The following TNRC6B variants were observed in gnomAD, a reference collection of about 807,000 sequenced individuals.
The protein encoded by TNRC6B is trinucleotide repeat containing adaptor 6B, also known as trinucleotide repeat-containing gene 6B protein.
Under a neutral mutation model 203.6 loss-of-function variants are expected in TNRC6B, and 52 were observed. That is an observed-to-expected ratio of 0.26 (90% confidence interval 0.20 to 0.32). The LOEUF is 0.32. Among genes scored for constraint, TNRC6B ranks in the 10% least tolerant of loss-of-function variants. TNRC6B has a pLI of 1.00. For missense variants in TNRC6B, 1,923 were observed against 2,286.2 expected, an observed-to-expected ratio of 0.84 and a Z score of 3.24; for synonymous variants, 838 against 845.7, an observed-to-expected ratio of 0.99 and a Z score of 0.16.
At chr22:40,067,571 A>G (rs73418363) in intron 1 of TNRC6B, among the ~76,000 whole-genome samples, 6,752 of 152,230 alleles carry the variant, frequency 0.044, 491 homozygotes, top group African/African-American at 0.15. Flanking sequence ...TGAGAGGCTT[A>G]AGAACCAAGG....
chr22:40,244,166 C>T (rs1226004048), intron 1 of TNRC6B, among the ~76,000 whole-genome samples: 1 of 152,194 alleles, frequency 6.6e-6, no homozygotes, highest in African/African-American at 2.4e-5. Context: ...GCCAGCCTGC[C>T]TGAGATGATC....
At chr22:40,136,588 T>C (rs1470949161) in intron 3 of TNRC6B, among the ~76,000 whole-genome samples, 1 of 151,948 alleles carries the variant, frequency 6.6e-6, no homozygotes, top group Non-Finnish European at 1.5e-5. Context: ...TTAACTCTTT[T>C]TGTAGAGACA....
Position 40,281,133 on chromosome 22 carries a change from C to T in TNRC6B, c.3426C>T (p.Phe1142=). Residue 1142 remains phenylalanine (F), a synonymous_variant, in exon 11 of 23, where the codon TTC becomes TTT. Coordinates refer to ENST00000454349, the MANE Select transcript of TNRC6B (RefSeq NM_001162501.2). ...GPYFEKLTLP[F]SNQDGCLGDE... ...CTACTTTTCAGCTGACTTTGCCTTT[C>T]TCCAATCAAGATGGGTGCCTTGGGG... is the stretch of plus-strand genomic sequence containing the variant. The T allele has an allele frequency of 1.3e-6, 2 of 1,549,676 alleles. No individual in the cohort carries two copies. Among genetic ancestry groups the T allele is most frequent in the Non-Finnish European group, 1.7e-6 (2 of 1,146,070 alleles).
intron 1 of TNRC6B, among the ~76,000 whole-genome samples, chr22:40,081,107 C>T (rs998464898): frequency 2.6e-5 from 4 of 152,020 alleles, no homozygotes; most frequent in East Asian, 1.9e-4. Flanking sequence ...GTGATCCACC[C>T]GCCTCAGCCT....
chr22:40,081,431 A>T lies in TNRC6B; in HGVS notation c.-120-35624A>T, dbSNP rs189345102. On this transcript the variant is annotated intron_variant, in intron 1 of 23. Coordinates refer to the TNRC6B transcript ENST00000301923. ...AAGAGCCTTCCCGCCCTTTCGTCTC[A>T]TCAGAGTTCCCTGCTTGCTTCCATT... 1.9e-3 allele frequency among the ~76,000 whole-genome samples: 283 copies of T among 149,660 alleles called. 2 individuals are homozygous for T. The highest frequency in any genetic ancestry group is 0.015 in the Middle Eastern group (4 of 274).
chr22:40,218,350 A>G (rs1366724982), intron 1 of TNRC6B, among the ~76,000 whole-genome samples: 7 of 112,808 alleles, frequency 6.2e-5, no homozygotes, highest in African/African-American at 2.3e-4. Context: ...TTTTTGAGAC[A>G]GGGTGTTACT....
rs1310558798 is a variant in TNRC6B, at chr22:40,266,129, G to T, written c.1899G>T (p.Val633=). The T allele has an allele frequency of 4.3e-6, 7 of 1,613,846 alleles. No individual in the cohort carries two copies. In the African/African-American group the frequency reaches 6.7e-5, roughly 15 times the overall value. Residue 633 remains valine, a synonymous_variant, in exon 5 of 23, where the codon GTG becomes GTT. Transcript: ENST00000454349. ...WGQTQIKQDT[V]WDIEEVPRPE... ...AAACTCAAATTAAGCAGGACACAGT[G>T]TGGGACATTGAAGAGGTGCCAAGGC...
rs143288497 is a variant in TNRC6B at position 40,312,604 on chromosome 22, C to T, written c.4535C>T (p.Ser1512Phe). The T allele has an allele frequency of 6.2e-7, 1 of 1,614,010 alleles. No homozygotes were observed. The highest frequency in any genetic ancestry group is 8.5e-7 in the Non-Finnish European group (1 of 1,179,982). Residue 1512 changes from serine to phenylalanine, a missense_variant, in exon 18 of 23, where the codon TCT becomes TTT. Around this residue, in one of 8 missense-constraint regions of TNRC6B, gnomAD observed 159 missense variants for 181.0 expected, o/e 0.88. Transcript: ENST00000454349. ...AGTGTGCTGGGGGGTACAGCCACAT[C>T]TCCCATTGTAGATACTGACCACCAA... ...PGSVLGGTAT[S>F]PIVDTDHQLL...
intron 3 of TNRC6B, among the ~76,000 whole-genome samples, chr22:40,141,923 C>T (rs745416449): frequency 1.1e-4 from 16 of 151,938 alleles, no homozygotes; most frequent in Non-Finnish European, 1.9e-4. Flanking sequence ...TGCAGGCACC[C>T]ACCACCACGC....
At chr22:40,181,995 C>T (rs2069137092) in intron 1 of TNRC6B, among the ~76,000 whole-genome samples, 1 of 151,386 alleles carries the variant, frequency 6.6e-6, no homozygotes, top group African/African-American at 2.4e-5. Flanking sequence ...CCTGTAATCC[C>T]AGCACTTTGG....
At chr22:40,317,305 C>T (rs2071272750) in intron 21 of TNRC6B, among the ~76,000 whole-genome samples, 4 of 152,262 alleles carry the variant, frequency 2.6e-5, no homozygotes, top group African/African-American at 7.2e-5. Context: ...TGGGGCCAGT[C>T]GCAGTGGCTC....
rs577920688 is a variant in TNRC6B, at chr22:40,082,497, C to G, written c.-120-34558C>G. Among the ~76,000 whole-genome samples the G allele has an allele frequency of 1.1e-4, 17 of 152,248 alleles. 1 individual carries two copies. The South Asian group carries it at 3.5e-3, about 32-fold the overall frequency. ...ATGTTGGAGAGCAGGTAAACAGAGT[C>G]CATGTTGCTTAAGAGCTTGAAGACA... On this transcript the variant is annotated intron_variant, in intron 1 of 23. Transcript: ENST00000301923.
chr22:40,315,872 C>G (rs1158495034), intron 20 of TNRC6B, 70 bp from the exon 21 acceptor site: 10 of 1,163,680 alleles, frequency 8.6e-6, no homozygotes, highest in African/African-American at 3.1e-5. Context: ...ACATGAAAAT[C>G]TTTCTCCCTC....
chr22:40,203,243 A>G (rs535904627), intron 1 of TNRC6B, among the ~76,000 whole-genome samples: 1 of 152,174 alleles, frequency 6.6e-6, no homozygotes, highest in African/African-American at 2.4e-5. Context: ...CAAAGACCTA[A>G]TATGTCACAG....
At position 40,245,984 on chromosome 22, in the gene TNRC6B, A is replaced by G. The variant is rs118057457; in HGVS notation, c.6-31A>G. 1,330 of 1,514,898 alleles carry G rather than the reference A, an allele frequency of 8.8e-4. 1 individual carries two copies. Among genetic ancestry groups the G allele is most frequent in the Non-Finnish European group, 1.1e-3 (1,239 of 1,125,782 alleles). The allele number at this position is 1,514,898 out of a possible 1,614,324, so 93.8% of individuals were successfully genotyped here. A position where few individuals can be genotyped will look rare whatever the true frequency, so the allele number is the denominator to read the frequency against. ...GGAAATGGATTGTGAATGTAGATGT[A>G]TAACCTTCTGTTATGATGTTACTTT... On this transcript the variant is annotated intron_variant, in intron 1 of 22. Transcript: ENST00000454349.
chr22:40,247,002 C>T (rs921991905), intron 2 of TNRC6B, among the ~76,000 whole-genome samples: 7 of 152,130 alleles, frequency 4.6e-5, no homozygotes, highest in African/African-American at 7.2e-5. Flanking sequence ...GCGGTTTGTC[C>T]GGCAGAGTTG....
At chr22:40,146,669 C>T (rs2068698296) in intron 3 of TNRC6B, among the ~76,000 whole-genome samples, 1 of 150,156 alleles carries the variant, frequency 6.7e-6, no homozygotes, top group Non-Finnish European at 1.5e-5. Flanking sequence ...TAGCAGTTCT[C>T]CTACCTCAGC....
chr22:40,202,462 A>G (rs756445794), intron 1 of TNRC6B, among the ~76,000 whole-genome samples: 5 of 152,110 alleles, frequency 3.3e-5, no homozygotes, highest in Admixed American at 1.3e-4. Flanking sequence ...TGCTGTAACT[A>G]TATATAAACG....
chr22:40,232,868 G>A (rs979404275), intron 1 of TNRC6B, among the ~76,000 whole-genome samples: 7 of 152,040 alleles, frequency 4.6e-5, no homozygotes, highest in Non-Finnish European at 7.4e-5. Flanking sequence ...TTAGCCGGGC[G>A]TGGCTGGGCG....
Sources: gnomAD v4.1 joint callset for allele counts (sites outside exome capture counted in the v4.1 genomes callset) on GRCh38, gnomAD v4.1.1 for gene constraint, gnomAD v4.1.1 regional missense constraint, MANE v1.5 for transcripts, NCBI Gene and HGNC (gene_info 2026-07-23, HGNC 2026-07-21) for gene names.